The following FAM78B variants were observed in gnomAD, a reference collection of about 807,000 sequenced individuals.
FAM78B encodes the protein family with sequence similarity 78 member B.
Under a neutral mutation model 20.0 loss-of-function variants are expected in FAM78B, and 10 were observed. That is an observed-to-expected ratio of 0.50 (90% CI 0.31 to 0.85). The LOEUF is 0.85. Ranked by LOEUF, FAM78B falls within the 40% of genes least tolerant of loss-of-function variation. The probability of loss-of-function intolerance (pLI) is 0.05; values close to 1 mark genes in which losing one functional copy is unlikely to be tolerated. For synonymous variants in FAM78B, 135 were observed against 132.8 expected (o/e 1.02, Z -0.12); for missense variants, 283 against 345.0 (o/e 0.82, Z 1.42).
chr1:166,125,726 C>A (rs1427231300), intron 1 of FAM78B, among the ~76,000 whole-genome samples: 1 of 152,116 alleles, frequency 6.6e-6, no homozygotes, highest in Non-Finnish European at 1.5e-5. Context: ...TACTCTCAAT[C>A]ATCTCTACAT....
intron 1 of FAM78B, among the ~76,000 whole-genome samples, chr1:166,152,448 T>C (rs543686779): frequency 6.6e-6 from 1 of 152,244 alleles, no homozygotes; most frequent in Admixed American, 6.5e-5. Flanking sequence ...TTTTCCGTAT[T>C]TTAGGATCTA....
downstream of FAM78B, among the ~76,000 whole-genome samples, chr1:166,056,829 G>A (rs1344129312): frequency 6.6e-6 from 1 of 152,208 alleles, no homozygotes; most frequent in Non-Finnish European, 1.5e-5. Flanking sequence ...AGAGTGCTAT[G>A]TTCCAATATT....
chr1:166,121,133 T>A (rs1571181631), intron 1 of FAM78B, among the ~76,000 whole-genome samples: 1 of 152,210 alleles, frequency 6.6e-6, no homozygotes, highest in Admixed American at 6.5e-5. Flanking sequence ...AAGTTACAAA[T>A]CAAGCCTACA....
At chr1:166,115,058 A>G (rs1318731555) in intron 1 of FAM78B, among the ~76,000 whole-genome samples, 2 of 152,158 alleles carry the variant, frequency 1.3e-5, no homozygotes, top group African/African-American at 4.8e-5. Context: ...GATGTGACAG[A>G]AAACACCTTT....
intron 1 of FAM78B, among the ~76,000 whole-genome samples, chr1:166,116,122 T>G (rs893538635): frequency 3.3e-5 from 5 of 152,278 alleles, no homozygotes; most frequent in African/African-American, 9.6e-5. Flanking sequence ...CAAGGCCTGG[T>G]TGCATTCTGC....
intron 1 of FAM78B, among the ~76,000 whole-genome samples, chr1:166,118,804 A>G (rs1654358225): frequency 6.6e-6 from 1 of 152,180 alleles, no homozygotes; most frequent in African/African-American, 2.4e-5. Context: ...CTAGGTGGTG[A>G]CTGAGTTGTG....
intron 1 of FAM78B, among the ~76,000 whole-genome samples, chr1:166,141,456 T>C (rs4656480): frequency 0.82 from 124,230 of 152,266 alleles, 51,464 homozygotes; most frequent in Non-Finnish European, 0.9. Flanking sequence ...TTCTTGTATA[T>C]TCTTCACATA....
intron 1 of FAM78B, among the ~76,000 whole-genome samples, chr1:166,140,286 GAA>G (rs1300779509): frequency 4.6e-5 from 7 of 152,334 alleles, no homozygotes; most frequent in South Asian, 4.1e-4. Flanking sequence ...TGACTTGCCA[GAA>G]AAAGTGAGCC....
At chr1:166,086,104 T>G (rs2101730213) in intron 1 of FAM78B, among the ~76,000 whole-genome samples, 1 of 150,464 alleles carries the variant, frequency 6.6e-6, no homozygotes, top group African/African-American at 2.5e-5. Flanking sequence ...ATAAAGGAGC[T>G]GAGGCTCAGG....
intron 1 of FAM78B, chr1:166,087,599 T>TGTAA (rs1380282938): frequency 2.6e-5 from 4 of 152,216 alleles, no homozygotes; most frequent in African/African-American, 9.6e-5. Flanking sequence ...AAGGGGGCAC[T>TGTAA]GTAAGTCCTG....
At chr1:166,129,683 T>C (rs1389311680) in intron 1 of FAM78B, among the ~76,000 whole-genome samples, 1 of 152,234 alleles carries the variant, frequency 6.6e-6, no homozygotes, top group Non-Finnish European at 1.5e-5. Flanking sequence ...TGTAGTCCTC[T>C]CGTCCTCTTC....
At chr1:166,072,584 G>A (rs1049734547) in intron 1 of FAM78B, among the ~76,000 whole-genome samples, 1 of 152,174 alleles carries the variant, frequency 6.6e-6, no homozygotes, top group Middle Eastern at 3.2e-3. Context: ...TGCTCATTGG[G>A]TTCATGAAAT....
intron 1 of FAM78B, among the ~76,000 whole-genome samples, chr1:166,084,905 G>A (rs1219936903): frequency 1.3e-5 from 2 of 152,206 alleles, no homozygotes; most frequent in African/African-American, 4.8e-5. Flanking sequence ...CTACAATCCT[G>A]CAGGTCCTGT....
chr1:166,155,749 G>C (rs879353316), intron 1 of FAM78B, among the ~76,000 whole-genome samples: 31 of 152,158 alleles, frequency 2.0e-4, no homozygotes, highest in Non-Finnish European at 4.1e-4. Context: ...CTCAGGTGTG[G>C]GGACTGCCAT....
intron 1 of FAM78B, among the ~76,000 whole-genome samples, chr1:166,094,528 C>A (rs1653202260): frequency 6.6e-6 from 1 of 152,226 alleles, no homozygotes; most frequent in Non-Finnish European, 1.5e-5. Context: ...GGTGATGAGT[C>A]TGTAAATTTG....
chr1:166,143,201 T>C (rs901903555), intron 1 of FAM78B, among the ~76,000 whole-genome samples: 4 of 152,124 alleles, frequency 2.6e-5, no homozygotes, highest in Admixed American at 1.3e-4. Context: ...TATTAATATA[T>C]AGTAGAGGCT....
rs189235398 is a variant in FAM78B at position 166,089,520 on chromosome 1, G to A, written c.264-18757C>T. Among the ~76,000 whole-genome samples, 141 of 152,262 alleles carry A rather than the reference G, an allele frequency of 9.3e-4. 3 individuals carry two copies. Among genetic ancestry groups the A allele is most frequent in the Non-Finnish European group, 1.5e-4 (10 of 68,012 alleles). ...GAAAAAGCAGAGGGCTCTAGGAAGTGAAAGAATGGGTCAGGAGGAAGACCT... is the reference window on the plus strand; with the variant it reads ...GAAAAAGCAGAGGGCTCTAGGAAGTAAAAGAATGGGTCAGGAGGAAGACCT... On this transcript the variant is annotated intron_variant, in intron 1 of 1. Transcript: ENST00000354422.
chr1:166,157,133 T>C (rs575211225), intron 1 of FAM78B, among the ~76,000 whole-genome samples: 87 of 151,130 alleles, frequency 5.8e-4, no homozygotes, highest in Non-Finnish European at 1.0e-3. Flanking sequence ...CCCTCTATCT[T>C]TGAGTGGGTT....
chr1:166,110,661 T>C (rs1654016406), intron 1 of FAM78B, among the ~76,000 whole-genome samples: 1 of 152,056 alleles, frequency 6.6e-6, no homozygotes. Flanking sequence ...TATCCAGCTT[T>C]GAATGGAGCC....
Sources: allele counts gnomAD v4.1 joint callset (sites outside exome capture counted in the v4.1 genomes callset), GRCh38; gene constraint gnomAD v4.1.1; transcripts MANE v1.5; gene names NCBI Gene and HGNC (gene_info 2026-07-23, HGNC 2026-07-21).